Variants in UNC80 observed in about 807,000 individuals in gnomAD.
UNC80 encodes the protein unc-80 subunit of NALCN channel complex.
In UNC80, 164 loss-of-function variants were observed where a neutral mutation model predicts 384.6. That is an observed-to-expected ratio of 0.43 (90% CI 0.38 to 0.49). The LOEUF (loss-of-function observed/expected upper bound fraction) is 0.49, where lower values mean the gene tolerates loss of function less well. UNC80 is among the 20% of genes least tolerant of loss of function. The pLI is 0.00. For missense variants in UNC80, 3,330 were observed against 4,143.0 expected (o/e 0.80, Z 5.39); for synonymous variants, 1,486 against 1,527.8 (o/e 0.97, Z 0.64).
At chr2:209,841,224 A>G (rs1273777708) in intron 20 of UNC80, among the ~76,000 whole-genome samples, 3 of 152,214 alleles carry the variant, frequency 2.0e-5, no homozygotes, top group African/African-American at 7.2e-5. Flanking sequence ...TTTTCAGCAT[A>G]TGATAAGAGT....
Position 209,939,518 on chromosome 2 carries a change from T to A in UNC80, c.6512T>A (p.Ile2171Asn), listed in dbSNP as rs1361442081. Residue 2171 changes from isoleucine to asparagine, a missense_variant, in exon 43 of 65, where the codon ATC (isoleucine) becomes AAC (asparagine). Physicochemically the swap from Ile to Asn is moderately radical, Grantham distance 149. This residue lies in a region of UNC80 where 1,049 missense variants were observed against 1,488.6 expected (regional missense o/e 0.70). Coordinates refer to ENST00000673920, the MANE Select transcript of UNC80 (RefSeq NM_001371986.1). ...GAAGTAGGGCGGGTGTTGTTTCTCA[T>A]CTCCCTAACCCAGAAGATCCCCACA... Reference protein sequence around the residue: ...LEEVGRVLFLISLTQKIPTAH... With the variant: ...LEEVGRVLFLNSLTQKIPTAH... 1.1e-5 allele frequency: 17 copies of A among 1,551,308 alleles called. No individual in the cohort carries two copies. Among genetic ancestry groups the A allele is most frequent in the Non-Finnish European group, 1.4e-5 (16 of 1,146,776 alleles).
intron 61 of UNC80, among the ~76,000 whole-genome samples, chr2:209,991,128 T>C (rs2093383639): frequency 6.6e-6 from 1 of 152,194 alleles, no homozygotes; most frequent in Non-Finnish European, 1.5e-5. Context: ...ACAGATATAG[T>C]CTTTCTTTTC....
intron 28 of UNC80, among the ~76,000 whole-genome samples, chr2:209,901,595 C>A (rs893241195): frequency 6.6e-6 from 1 of 152,102 alleles, no homozygotes; most frequent in Admixed American, 6.5e-5. Flanking sequence ...GCCCACAGAT[C>A]AAGGTGTATT....
intron 4 of UNC80, among the ~76,000 whole-genome samples, chr2:209,780,599 A>G (rs989817511): frequency 1.3e-5 from 2 of 152,158 alleles, no homozygotes; most frequent in Non-Finnish European, 2.9e-5. Context: ...TATTTAGTAC[A>G]ATCTCTGGCC....
intron 61 of UNC80, among the ~76,000 whole-genome samples, chr2:209,990,289 A>T (rs568296666): frequency 1.1e-4 from 16 of 152,274 alleles, no homozygotes; most frequent in Admixed American, 3.9e-4. Flanking sequence ...TCTCTGCCCT[A>T]TTATTTTCAA....
At chr2:209,782,769 G>C (rs1009001294) in intron 4 of UNC80, among the ~76,000 whole-genome samples, 1 of 151,862 alleles carries the variant, frequency 6.6e-6, no homozygotes, top group African/African-American at 2.4e-5. Context: ...ATAAAATTCA[G>C]TCTGAAAATC....
chr2:209,978,413 C>A, intron 58 of UNC80, 116 bp from the exon 59 acceptor site: 1 of 880,234 alleles, frequency 1.1e-6, no homozygotes, highest in Non-Finnish European at 1.6e-6. Context: ...GATCATTTGT[C>A]TGGGACACAT....
Position 209,941,508 on chromosome 2 carries a change from C to G in UNC80, c.6915+19C>G. 1.3e-6 allele frequency: 2 copies of G among 1,517,372 alleles called. No individual in the cohort carries two copies. Among genetic ancestry groups the G allele is most frequent in the Non-Finnish European group, 1.8e-6 (2 of 1,122,690 alleles). 94.0% of individuals were successfully genotyped at this position (1,517,372 alleles called of 1,614,324 possible). ...GCTGCAGGTGCCCAGAACCTCCTCT[C>G]CCAACCAGAAAATTAACATGAGTAC... On this transcript the variant is annotated intron_variant, in intron 44 of 64. Coordinates refer to ENST00000673920, the MANE Select transcript of UNC80 (RefSeq NM_001371986.1).
At position 209,887,992 on chromosome 2, in the gene UNC80, T is replaced by C; in HGVS notation, c.4111-103T>C. ...CGTCAGATAAAGGAATCTGGCTGTT[T>C]AAACGCAGTTGTGTATAATTCAAAA... is the stretch of plus-strand genomic sequence containing the variant. On this transcript the variant is annotated intron_variant, in intron 25 of 64. Coordinates refer to ENST00000673920, the MANE Select transcript of UNC80 (RefSeq NM_001371986.1). The C allele has an allele frequency of 2.8e-6, 3 of 1,087,486 alleles. No individual in the cohort carries two copies. The South Asian group carries it at 5.6e-5, about 20-fold the overall frequency. 67.4% of individuals were successfully genotyped at this position (1,087,486 alleles called of 1,614,324 possible). A position where few individuals can be genotyped will look rare whatever the true frequency, so the allele number is the denominator to read the frequency against.
intron 29 of UNC80, among the ~76,000 whole-genome samples, chr2:209,910,458 A>T (rs1289839900): frequency 1.3e-5 from 2 of 152,030 alleles, no homozygotes; most frequent in African/African-American, 4.8e-5. Context: ...TTACTAGCTT[A>T]TCACCTTGAT....
chr2:209,872,980 C>A lies in UNC80; in HGVS notation c.3840+10C>A. 1 of 1,550,858 alleles carries A rather than the reference C, an allele frequency of 6.4e-7. No homozygotes were observed. The highest frequency in any genetic ancestry group is 8.7e-7 in the Non-Finnish European group (1 of 1,146,382). ...CTACCAATGGGGAGACGTGAGCTTT[C>A]GGTTTTCTTCTATAACAATTAGGTT... is the stretch of plus-strand genomic sequence containing the variant. On this transcript the variant is annotated intron_variant, in intron 23 of 64. Coordinates refer to ENST00000673920, the MANE Select transcript of UNC80 (RefSeq NM_001371986.1). The surrounding 1 kb of genome is among the most constrained non-coding windows in gnomAD (Gnocchi z 4.1).
intron 51 of UNC80, among the ~76,000 whole-genome samples, chr2:209,963,905 A>T (rs757307056): frequency 6.6e-6 from 1 of 152,244 alleles, no homozygotes; most frequent in Non-Finnish European, 1.5e-5. Context: ...TGGAGGCCTA[A>T]CATGAAAGGA....
At chr2:209,857,669 A>G (rs2083036079) in intron 22 of UNC80, among the ~76,000 whole-genome samples, 1 of 152,006 alleles carries the variant, frequency 6.6e-6, no homozygotes, top group Non-Finnish European at 1.5e-5. Context: ...TCTTTTCTCT[A>G]TTGTAAACTA....
chr2:209,988,723 A>G (rs1394408483), intron 61 of UNC80, among the ~76,000 whole-genome samples: 1 of 152,144 alleles, frequency 6.6e-6, no homozygotes, highest in South Asian at 2.1e-4. Flanking sequence ...TCCCTAGCTT[A>G]TAAATTACTT....
chr2:209,956,127 A>G (rs1233245674), intron 48 of UNC80, among the ~76,000 whole-genome samples: 3 of 152,270 alleles, frequency 2.0e-5, no homozygotes, highest in Non-Finnish European at 4.4e-5. Flanking sequence ...CTTATCCAAA[A>G]TTGACTTACT....
At position 209,834,905 on chromosome 2, in the gene UNC80, T is replaced by C. The variant is rs1435922754; in HGVS notation, c.2943-7T>C. ...GCTGTAATTGTTGGAATGCACCATT[T>C]GCATAGGTCAGAGGCGGGAAGCATT... is the stretch of plus-strand genomic sequence containing the variant. On this transcript the variant is annotated splice_polypyrimidine_tract_variant and splice_region_variant and intron_variant, in intron 17 of 64. Transcript: ENST00000673920. The C allele has an allele frequency of 1.9e-6, 3 of 1,547,510 alleles. No individual in the cohort carries two copies. The East Asian group carries it at 7.4e-5, about 38-fold the overall frequency.
At chr2:209,811,123 G>A (rs6752838) in intron 7 of UNC80, among the ~76,000 whole-genome samples, 2,968 of 152,166 alleles carry the variant, frequency 0.02, 104 homozygotes, top group African/African-American at 0.067. Flanking sequence ...CTTCAAACTG[G>A]GTCTCAGGAT....
rs928419370 is a variant in UNC80, at chr2:209,997,773, A to C, written c.*2178A>C. 3 of 152,148 alleles carry C rather than the reference A, an allele frequency of 2.0e-5. No individual in the cohort carries two copies. Among genetic ancestry groups the C allele is most frequent in the Non-Finnish European group, 4.4e-5 (3 of 68,030 alleles). The allele number at this position is 152,148 out of a possible 1,614,324, so 9.4% of individuals were successfully genotyped here. On this transcript the variant is annotated 3_prime_UTR_variant, in exon 65 of 65. Transcript: ENST00000673920. The stretch of plus-strand genomic sequence containing the variant: ...GTAGGAATGTTTTCATACTGGGACT[A>C]CTGAAATTTTGCAGATGTGTGCATC...
At chr2:209,918,245 A>G (rs751484160) in intron 32 of UNC80, among the ~76,000 whole-genome samples, 2 of 152,172 alleles carry the variant, frequency 1.3e-5, no homozygotes, top group Non-Finnish European at 2.9e-5. Flanking sequence ...ACATTTTGCT[A>G]TATATAAACT....
Sources: gnomAD v4.1 joint callset for allele counts (sites outside exome capture counted in the v4.1 genomes callset) on GRCh38, gnomAD v4.1.1 for gene constraint, gnomAD v4.1.1 regional missense constraint, Gnocchi (gnomAD v3.1) non-coding constraint, MANE v1.5 for transcripts, NCBI Gene and HGNC (gene_info 2026-07-23, HGNC 2026-07-21) for gene names.